SPARC: variants seen among roughly 807,000 people sequenced by gnomAD.
SPARC encodes basement-membrane protein 40.
In SPARC, 23 loss-of-function variants were observed where a neutral mutation model predicts 37.7. The ratio of observed to expected loss-of-function variants is 0.61; its 90% CI spans 0.44 to 0.87. The LOEUF is 0.87. Ranked by LOEUF, SPARC falls within the 40% of genes least tolerant of loss-of-function variation. SPARC has a pLI of 0.00. For missense variants in SPARC, 312 were observed against 389.0 expected (o/e 0.80, Z 1.66); for synonymous variants, 155 against 150.8 (o/e 1.03, Z -0.20).
intron 1 of SPARC, chr5:151,679,386 T>C (rs1760933903): frequency 6.6e-6 from 1 of 152,214 alleles, no homozygotes; most frequent in African/African-American, 2.4e-5. Context: ...CGTGCAACCC[T>C]ACCCCACCAC....
intron 3 of SPARC, 88 bp downstream of exon 3, chr5:151,674,524 C>A (rs1760814864): frequency 1.6e-6 from 2 of 1,222,592 alleles, no homozygotes; most frequent in Non-Finnish European, 2.4e-6. Flanking sequence ...CCCACTCTAG[C>A]ATTGAGACCC....
chr5:151,675,955 C>G (rs755097755), intron 2 of SPARC, among the ~76,000 whole-genome samples, 177 bp downstream of exon 2: 11 of 152,088 alleles, frequency 7.2e-5, no homozygotes, highest in Non-Finnish European at 1.6e-4. Context: ...ATACCTCCAC[C>G]CAATGGTCCT....
At chr5:151,675,703 G>A (rs1760840390) in intron 2 of SPARC, among the ~76,000 whole-genome samples, 1 of 151,934 alleles carries the variant, frequency 6.6e-6, no homozygotes. Flanking sequence ...TAGTCAGATT[G>A]AACTGTTGCT....
At chr5:151,685,982 C>T (rs1761131010) in intron 1 of SPARC, 1 of 152,194 alleles carries the variant, frequency 6.6e-6, no homozygotes, top group African/African-American at 2.4e-5. Context: ...AGAACTGACA[C>T]CCTGACAGGC....
chr5:151,678,215 C>A (rs1259164666), intron 1 of SPARC, among the ~76,000 whole-genome samples: 2 of 152,336 alleles, frequency 1.3e-5, no homozygotes, highest in Non-Finnish European at 1.5e-5. Context: ...CCAGCTAGGA[C>A]TGGAAATGTA....
intron 1 of SPARC, chr5:151,677,060 G>T (rs923169128): frequency 6.6e-6 from 1 of 152,118 alleles, no homozygotes; most frequent in Non-Finnish European, 1.5e-5. Flanking sequence ...AACTGTTAAG[G>T]CCTCATTCTC....
intron 1 of SPARC, among the ~76,000 whole-genome samples, chr5:151,677,857 T>TG (rs34253466): frequency 6.6e-6 from 1 of 152,214 alleles, no homozygotes; most frequent in Non-Finnish European, 1.5e-5. Flanking sequence ...GTAAAGGACC[T>TG]GGGGGTTTGG....
At chr5:151,665,768 C>A (rs902727748) in intron 8 of SPARC, among the ~76,000 whole-genome samples, 1 of 152,254 alleles carries the variant, frequency 6.6e-6, no homozygotes, top group Non-Finnish European at 1.5e-5. Flanking sequence ...GTGCAGGGCA[C>A]AAAATGCACA....
Position 151,661,652 on chromosome 5 carries a change from G to C in SPARC, c.*1919C>G, listed in dbSNP as rs1016125517. On this transcript the variant is annotated 3_prime_UTR_variant, in exon 10 of 10. Coordinates refer to ENST00000231061, the MANE Select transcript of SPARC (RefSeq NM_003118.4). ...GATGAACATGCATGAGCTTTGAAAA[G>C]TGCTCTGTAGTCTTATGATGATCTA... 2.6e-5 allele frequency: 4 copies of C among 152,104 alleles called. No individual in the cohort carries two copies. The highest frequency in any genetic ancestry group is 7.2e-5 in the African/African-American group (3 of 41,422). The allele number at this position is 152,104 out of a possible 1,614,324, so 9.4% of individuals were successfully genotyped here. A position where few individuals can be genotyped will look rare whatever the true frequency, so the allele number is the denominator to read the frequency against.
intron 8 of SPARC, among the ~76,000 whole-genome samples, chr5:151,666,056 T>G (rs1284521813): frequency 6.6e-6 from 1 of 152,186 alleles, no homozygotes; most frequent in East Asian, 1.9e-4. Flanking sequence ...TGCCACCCCT[T>G]GGAGCCTGGT....
At chr5:151,674,519 T>C (rs1760814718) in intron 3 of SPARC, 93 bp downstream of exon 3, 3 of 1,152,202 alleles carry the variant, frequency 2.6e-6, no homozygotes, top group Admixed American at 3.5e-5. Flanking sequence ...AATGCCCCAC[T>C]CTAGCATTGA....
At position 151,661,759 on chromosome 5, in the gene SPARC, T is replaced by C. The variant is rs1326330977; in HGVS notation, c.*1812A>G. On this transcript the variant is annotated 3_prime_UTR_variant, in exon 10 of 10. Transcript: ENST00000231061. ...TATTCAATAGGGTAACCACTAATCATGCATGGCTCTCAAGCACTTGAAATG... is the reference window on the plus strand; with the variant it reads ...TATTCAATAGGGTAACCACTAATCACGCATGGCTCTCAAGCACTTGAAATG... 3 of 152,226 alleles carry C rather than the reference T, an allele frequency of 2.0e-5. No homozygotes were observed. Among genetic ancestry groups the C allele is most frequent in the East Asian group, 1.9e-4 (1 of 5,206 alleles). 9.4% of individuals were successfully genotyped at this position (152,226 alleles called of 1,614,324 possible).
In SPARC at chr5:151,664,239, C is replaced by T. The variant is rs753555654; in HGVS notation, c.735-4G>A. 1.2e-6 allele frequency: 2 copies of T among 1,613,260 alleles called. No homozygotes were observed. Among genetic ancestry groups the T allele is most frequent in the African/African-American group, 1.3e-5 (1 of 75,036 alleles). On this transcript the variant is annotated splice_polypyrimidine_tract_variant and splice_region_variant and intron_variant, in intron 8 of 9. Transcript: ENST00000231061. ...CAGCTCGGTGTGGGAGAGGTACCTG[C>T]AGGGAAGGAGGCAGGGGAGGGCCTG...
intron 9 of SPARC, 78 bp from the exon 10 acceptor site, chr5:151,663,677 C>T: frequency 2.1e-6 from 3 of 1,430,196 alleles, no homozygotes; most frequent in Non-Finnish European, 2.0e-6. Context: ...TCAGTGGACT[C>T]CCACCCATCC....
At chr5:151,685,392 CCTCT>C (rs5872225) in intron 1 of SPARC, among the ~76,000 whole-genome samples, 5,579 of 141,016 alleles carry the variant, frequency 0.04, 138 homozygotes, top group Admixed American at 0.096. Flanking sequence ...CCATATTCAT[CCTCT>C]CTCTCTCTCT....
At chr5:151,673,339 A>G (rs1031582255) in intron 3 of SPARC, 123 bp from the exon 4 acceptor site, 47 of 740,688 alleles carry the variant, frequency 6.3e-5, no homozygotes, top group Middle Eastern at 2.4e-4. Context: ...GATTTAATCT[A>G]TAGGCCTGCT....
chr5:151,681,787 G>T (rs1042935941), intron 1 of SPARC, among the ~76,000 whole-genome samples: 13 of 152,210 alleles, frequency 8.5e-5, no homozygotes, highest in African/African-American at 2.9e-4. Context: ...CAGCAACTCG[G>T]GAGGCTGAGG....
chr5:151,672,585 G>A (rs4958484), intron 4 of SPARC: 26,867 of 154,412 alleles, frequency 0.17, 2,736 homozygotes, highest in East Asian at 0.38. Flanking sequence ...ACCTAGGGCT[G>A]GAGCCAGAGC....
chr5:151,680,043 C>T (rs940100211), intron 1 of SPARC, among the ~76,000 whole-genome samples: 1 of 152,030 alleles, frequency 6.6e-6, no homozygotes, highest in African/African-American at 2.4e-5. Flanking sequence ...CAAGTGGTTA[C>T]TGAATGCTTG....
Sources: gnomAD v4.1 joint callset for allele counts (sites outside exome capture counted in the v4.1 genomes callset) on GRCh38, gnomAD v4.1.1 for gene constraint, MANE v1.5 for transcripts, NCBI Gene and HGNC (gene_info 2026-07-23, HGNC 2026-07-21) for gene names.